The following METTL14 variants were observed in gnomAD, a reference collection of about 807,000 sequenced individuals.
METTL14 encodes the protein N(6)-adenosine-methyltransferase non-catalytic subunit METTL14.
In METTL14, 32 loss-of-function variants were observed where a neutral mutation model predicts 62.4. The ratio of observed to expected loss-of-function variants is 0.51; its 90% CI spans 0.39 to 0.69. The LOEUF is 0.69. METTL14 is among the 30% of genes least tolerant of loss of function. The pLI is 0.00. For synonymous variants in METTL14, 150 were observed against 180.0 expected (o/e 0.83, Z 1.34); for missense variants, 340 against 551.9 (o/e 0.62, Z 3.85).
At position 118,703,992 on chromosome 4, in the gene METTL14, A is replaced by G. The variant is rs754326560; in HGVS notation, c.796A>G (p.Lys266Glu). The part of the protein sequence containing the change: ...CEDICWIKTN[K>E]NNPGKTKTLD... The stretch of plus-strand genomic sequence containing the variant: ...AGATATTTGTTGGATTAAAACCAAT[A>G]AAAACAATCCTGGGAAGACTAAGAC... Residue 266 changes from lysine to glutamate, a missense_variant, in exon 9 of 11, where the codon AAA becomes GAA. This residue lies in a region of METTL14 where 58 missense variants were observed against 147.5 expected (regional missense o/e 0.39). Coordinates refer to ENST00000388822, the MANE Select transcript of METTL14 (RefSeq NM_020961.4). 6.3e-7 allele frequency: 1 copy of G among 1,597,668 alleles called. No individual in the cohort carries two copies. The highest frequency in any genetic ancestry group is 1.1e-5 in the South Asian group (1 of 87,036).
intron 8 of METTL14, among the ~76,000 whole-genome samples, chr4:118,702,976 T>TATTATC (rs1206638094): frequency 1.2e-4 from 17 of 145,506 alleles, no homozygotes; most frequent in Admixed American, 2.7e-4. Context: ...TTATTATTAT[T>TATTATC]ATACTTTAAG....
chr4:118,688,364 G>C (rs1367847624), intron 2 of METTL14, among the ~76,000 whole-genome samples: 1 of 151,716 alleles, frequency 6.6e-6, no homozygotes, highest in Non-Finnish European at 1.5e-5. Flanking sequence ...TTGAAACCGG[G>C]AGGCGGAGAT....
intron 8 of METTL14, among the ~76,000 whole-genome samples, chr4:118,702,476 G>A (rs777441562): frequency 2.0e-5 from 3 of 152,034 alleles, no homozygotes; most frequent in Non-Finnish European, 4.4e-5. Flanking sequence ...TGATTTTGGA[G>A]ATTTTAAAAT....
At chr4:118,700,708 A>G (rs1020177583) in intron 8 of METTL14, 66 bp downstream of exon 8, 17 of 1,126,704 alleles carry the variant, frequency 1.5e-5, no homozygotes, top group Non-Finnish European at 2.2e-5. Flanking sequence ...AGTATGTTGC[A>G]TAGGATGTTT....
intron 8 of METTL14, among the ~76,000 whole-genome samples, chr4:118,701,388 G>A (rs1221935054): frequency 1.3e-5 from 2 of 151,690 alleles, no homozygotes; most frequent in Non-Finnish European, 2.9e-5. Context: ...GTCTTGTTAT[G>A]TTGCCCAGGC....
Position 118,713,701 on chromosome 4 carries a change from G to A in METTL14, c.*3399G>A, listed in dbSNP as rs1724985689. ...AGCATTATCCTCTCTTTGATGTTGG[G>A]TAATAGAGGCTGAACTTTTCTTGTG... is the stretch of plus-strand genomic sequence containing the variant. On this transcript the variant is annotated 3_prime_UTR_variant, in exon 11 of 11. Transcript: ENST00000388822. 6.6e-6 allele frequency: 1 copy of A among 152,016 alleles called. No individual in the cohort carries two copies. Among genetic ancestry groups the A allele is most frequent in the African/African-American group, 2.4e-5 (1 of 41,312 alleles). The allele number at this position is 152,016 out of a possible 1,614,324, so 9.4% of individuals were successfully genotyped here.
In METTL14 at chr4:118,710,464, A is replaced by G; in HGVS notation, c.*162A>G. The G allele has an allele frequency of 2.9e-6, 2 of 680,352 alleles. No homozygotes were observed. The highest frequency in any genetic ancestry group is 4.8e-6 in the Non-Finnish European group (2 of 413,874). The allele number at this position is 680,352 out of a possible 1,614,324, so 42.1% of individuals were successfully genotyped here. On this transcript the variant is annotated 3_prime_UTR_variant, in exon 11 of 11. Transcript: ENST00000388822. ...AGCGAGCCTTGCTTGCAGTTGTCACACACACTGTCTGGTTTTTTTCAGGAT... is the reference window on the plus strand; with the variant it reads ...AGCGAGCCTTGCTTGCAGTTGTCACGCACACTGTCTGGTTTTTTTCAGGAT...
Position 118,700,437 on chromosome 4 carries a change from T to G in METTL14, c.646-113T>G, listed in dbSNP as rs182864850. 2.5e-4 allele frequency: 185 copies of G among 754,342 alleles called. 1 individual carries two copies. Among genetic ancestry groups the G allele is most frequent in the African/African-American group, 2.4e-3 (137 of 56,664 alleles). The allele number at this position is 754,342 out of a possible 1,614,324, so 46.7% of individuals were successfully genotyped here. ...TTTTCTGTTAGTTCCTAATGGAAAC[T>G]AATACACTTAAAGAACACATCTATC... On this transcript the variant is annotated intron_variant, in intron 7 of 10. Coordinates refer to ENST00000388822, the MANE Select transcript of METTL14 (RefSeq NM_020961.4).
rs753014249 is a variant in METTL14, at chr4:118,703,976, T to C, written c.780T>C (p.Cys260=). The C allele has an allele frequency of 1.4e-5, 22 of 1,587,480 alleles. No individual in the cohort carries two copies. Among genetic ancestry groups the C allele is most frequent in the Middle Eastern group, 1.7e-4 (1 of 6,006 alleles). The stretch of plus-strand genomic sequence containing the variant: ...GTTACAGAAGATGTGAAGATATTTG[T>C]TGGATTAAAACCAATAAAAACAATC... ...KWGYRRCEDI[C]WIKTNKNNPG... Residue 260 remains cysteine, a synonymous_variant, in exon 9 of 11, where the codon TGT becomes TGC. Coordinates refer to ENST00000388822, the MANE Select transcript of METTL14 (RefSeq NM_020961.4).
In METTL14 at chr4:118,694,700, G is replaced by A. The variant is rs1724354127; in HGVS notation, c.503+174G>A. Among the ~76,000 whole-genome samples the A allele has an allele frequency of 2.0e-5, 3 of 152,064 alleles. No homozygotes were observed. In the South Asian group the frequency reaches 6.2e-4, roughly 32 times the overall value. On this transcript the variant is annotated intron_variant, in intron 6 of 10. Transcript: ENST00000388822. ...TTTAAAGGCTGGTGCTCATTATGTT[G>A]CCCAGGCTTGTGTCCATCTCCTGGG...
At chr4:118,703,863 C>T (rs1398921562) in intron 8 of METTL14, 72 bp from the exon 9 acceptor site, 4 of 843,490 alleles carry the variant, frequency 4.7e-6, no homozygotes, top group Non-Finnish European at 5.4e-6. Context: ...TTTTTTAATG[C>T]TGGTTGTTAT....
intron 10 of METTL14, among the ~76,000 whole-genome samples, chr4:118,709,142 T>C (rs529039150): frequency 3.9e-5 from 6 of 152,276 alleles, no homozygotes; most frequent in Non-Finnish European, 7.4e-5. Flanking sequence ...GTTGACAGGA[T>C]AGAAAAGAAA....
At chr4:118,687,629 T>C (rs1724110179) in intron 1 of METTL14, among the ~76,000 whole-genome samples, 2 of 152,326 alleles carry the variant, frequency 1.3e-5, no homozygotes, top group Non-Finnish European at 2.9e-5. Context: ...TACTTTCAAC[T>C]TACAATGGGT....
rs1175549121 is a variant in METTL14 at position 118,711,668 on chromosome 4, ATTAAT to A, written c.*1371_*1375del. 3 of 152,204 alleles carry A rather than the reference ATTAAT, an allele frequency of 2.0e-5. No homozygotes were observed. The highest frequency in any genetic ancestry group is 4.8e-5 in the African/African-American group (2 of 41,448). 9.4% of individuals were successfully genotyped at this position (152,204 alleles called of 1,614,324 possible). ...TAAGGCTGAGATCCTTAAAAGCCTA[ATTAAT>A]TTAACTCGCTTAACCCATTAGTACT... On this transcript the variant is annotated 3_prime_UTR_variant, in exon 11 of 11. Transcript: ENST00000388822.
intron 4 of METTL14, 45 bp from the exon 5 acceptor site, chr4:118,691,936 C>A: frequency 1.7e-6 from 2 of 1,196,574 alleles, no homozygotes; most frequent in Non-Finnish European, 2.5e-6. Context: ...AATTTATCTG[C>A]CATTACAATG....
intron 5 of METTL14, 83 bp downstream of exon 5, chr4:118,692,151 C>A: frequency 1.2e-6 from 1 of 810,438 alleles, no homozygotes; most frequent in Non-Finnish European, 2.0e-6. Context: ...ATATTTCTAA[C>A]AAAATTATTT....
chr4:118,704,473 C>T (rs1463708223), intron 9 of METTL14, among the ~76,000 whole-genome samples: 1 of 152,110 alleles, frequency 6.6e-6, no homozygotes, highest in Non-Finnish European at 1.5e-5. Context: ...TGACTCTGCC[C>T]TGCTAGTATC....
Position 118,689,375 on chromosome 4 carries a change from C to G in METTL14, c.161C>G (p.Ser54Cys). 6.3e-7 allele frequency: 1 copy of G among 1,581,240 alleles called. No individual in the cohort carries two copies. The highest frequency in any genetic ancestry group is 8.6e-7 in the Non-Finnish European group (1 of 1,162,546). The change falls in exon 3 of 11, where the codon TCC becomes TGC. Residue 54 changes from serine to cysteine, a missense_variant. By Grantham distance (112) the Ser-to-Cys change is moderately radical (BLOSUM62 -1). Transcript: ENST00000388822. The stretch of plus-strand genomic sequence containing the variant: ...TATTTCTGTTTATTTTTCAGGGCTT[C>G]CTATGATACCTCTGCTCCAAATGCA... Reference protein sequence around the residue: ...IAETRETCRASYDTSAPNAKR... With the variant: ...IAETRETCRACYDTSAPNAKR...
rs115501658 is a variant in METTL14 at position 118,698,158 on chromosome 4, G to C, written c.645+835G>C. Among the ~76,000 whole-genome samples the C allele has an allele frequency of 2.0e-3, 304 of 152,106 alleles. 1 individual carries two copies. Among genetic ancestry groups the C allele is most frequent in the African/African-American group, 6.9e-3 (287 of 41,510 alleles). On this transcript the variant is annotated intron_variant, in intron 7 of 10. Coordinates refer to ENST00000388822, the MANE Select transcript of METTL14 (RefSeq NM_020961.4). ...GGAAGCTGGGCTAGAGTCTGGGAAA[G>C]AATTCTGGAAAAATGGCCAGGTGTG...
Sources: allele counts gnomAD v4.1 joint callset (sites outside exome capture counted in the v4.1 genomes callset), GRCh38; gene constraint gnomAD v4.1.1; regional missense constraint gnomAD v4.1.1; transcripts MANE v1.5; gene names NCBI Gene and HGNC (gene_info 2026-07-23, HGNC 2026-07-21).